BCL2: variants seen among roughly 807,000 people sequenced by gnomAD.
BCL2 encodes the protein BCL2 apoptosis regulator, also known as apoptosis regulator Bcl-2.
BCL2 carries 1 observed loss-of-function variant against 14.2 expected under a neutral mutation model. The observed-to-expected ratio is 0.07, with a 90% CI of 0.02 to 0.33. BCL2 has a LOEUF of 0.33. Ranked by LOEUF, BCL2 falls within the 10% of genes least tolerant of loss-of-function variation. The pLI, the probability that BCL2 is intolerant of heterozygous loss-of-function variation, is 0.99. For synonymous variants in BCL2, 151 were observed against 137.2 expected, an observed-to-expected ratio of 1.10 and a Z score of -0.70; for missense variants, 247 against 305.9, an observed-to-expected ratio of 0.81 and a Z score of 1.44.
chr18:63,218,195 T>C (rs985548710), intron 2 of BCL2, among the ~76,000 whole-genome samples: 4 of 152,126 alleles, frequency 2.6e-5, no homozygotes, highest in South Asian at 2.1e-4. Flanking sequence ...TCTTCAAATG[T>C]GGCTCAAGCT....
rs35457535 is a variant in BCL2 at position 63,216,400 on chromosome 18, T to TAA, written c.586-87643_586-87642dup. On this transcript the variant is annotated intron_variant, in intron 2 of 2. Transcript: ENST00000333681. ...AACATAGGAGGCCTTAAATGTTTTCTAAAAAAAAAAAAAAAAAGAATGAGT... is the reference window on the plus strand; with the variant it reads ...AACATAGGAGGCCTTAAATGTTTTCTAAAAAAAAAAAAAAAAAAAGAATGAGT... Among the ~76,000 whole-genome samples the TAA allele has an allele frequency of 2.0e-3, 266 of 134,904 alleles. 2 individuals are homozygous for TAA. The highest frequency in any genetic ancestry group is 0.012 in the Middle Eastern group (3 of 258). 88.5% of individuals were successfully genotyped at this position (134,904 alleles called of 152,430 possible).
In BCL2 at chr18:63,318,208, G is replaced by A. The variant is rs137945099; in HGVS notation, c.459C>T (p.Phe153=). The A allele has an allele frequency of 8.9e-4, 1,429 of 1,614,012 alleles. 3 individuals carry two copies. Among genetic ancestry groups the A allele is most frequent in the Non-Finnish European group, 1.1e-3 (1,349 of 1,180,024 alleles). ...NWGRIVAFFE[F]GGVMCVESVN... is the part of the protein sequence containing the mutation. Reference sequence around the variant, plus strand: ...CGCTCTCCACACACATGACCCCACCGAACTCAAAGAAGGCCACAATCCTCC... The same window carrying A: ...CGCTCTCCACACACATGACCCCACCAAACTCAAAGAAGGCCACAATCCTCC... The change falls in exon 2 of 3, where the codon TTC becomes TTT. Residue 153 remains phenylalanine, a synonymous_variant. Coordinates refer to ENST00000333681, the MANE Select transcript of BCL2 (RefSeq NM_000633.3). The surrounding 1 kb of genome is among the most constrained non-coding windows in gnomAD (Gnocchi z 7.4).
intron 2 of BCL2, among the ~76,000 whole-genome samples, chr18:63,142,038 G>C (rs1181138445): frequency 6.6e-6 from 1 of 152,220 alleles, no homozygotes; most frequent in Non-Finnish European, 1.5e-5. Context: ...TCAGGACATC[G>C]CTGCTGGGGG....
chr18:63,198,112 C>T (rs945497559), intron 2 of BCL2, among the ~76,000 whole-genome samples: 6 of 152,052 alleles, frequency 3.9e-5, no homozygotes, highest in Non-Finnish European at 7.4e-5. Flanking sequence ...TGAAGGAAGA[C>T]GGTTTTGCAT....
At position 63,169,336 on chromosome 18, in the gene BCL2, C is replaced by CTTTCTTTCTTTCTTTCTTT. The variant is rs1555697352; in HGVS notation, c.586-40578_586-40577insAAAGAAAGAAAGAAAGAAA. Among the ~76,000 whole-genome samples the CTTTCTTTCTTTCTTTCTTT allele has an allele frequency of 8.9e-4, 55 of 62,092 alleles. 3 individuals carry two copies. Among genetic ancestry groups the CTTTCTTTCTTTCTTTCTTT allele is most frequent in the Admixed American group, 1.2e-3 (7 of 5,900 alleles). The allele number at this position is 62,092 out of a possible 152,430, so 40.7% of individuals were successfully genotyped here. ...CCTTCCTTCCTTCTTTCCTTTCCTT[C>CTTTCTTTCTTTCTTTCTTT]CTTTCTTTCTTTCTTTCTTTCTTTC... On this transcript the variant is annotated intron_variant, in intron 2 of 2. Transcript: ENST00000333681.
chr18:63,287,055 T>C (rs2849381), intron 2 of BCL2, among the ~76,000 whole-genome samples: 98,482 of 151,976 alleles, frequency 0.65, 34,879 homozygotes, highest in East Asian at 0.85. Context: ...CTTGTGGCAG[T>C]TGTTCTCTTT....
At chr18:63,157,080 T>G (rs887569203) in intron 2 of BCL2, among the ~76,000 whole-genome samples, 11 of 152,232 alleles carry the variant, frequency 7.2e-5, no homozygotes, top group African/African-American at 2.7e-4. Flanking sequence ...AAGTTAATTG[T>G]GGGTCTGACA....
intron 2 of BCL2, among the ~76,000 whole-genome samples, chr18:63,235,324 G>C (rs1910796485): frequency 6.6e-6 from 1 of 152,134 alleles, no homozygotes; most frequent in Non-Finnish European, 1.5e-5. Flanking sequence ...GAAACTACCA[G>C]GCATGGTGTG....
intron 2 of BCL2, among the ~76,000 whole-genome samples, chr18:63,138,047 C>A (rs765719908): frequency 2.6e-5 from 4 of 152,216 alleles, no homozygotes; most frequent in African/African-American, 9.6e-5. Flanking sequence ...GACATGCAAC[C>A]GTCAGGTGAG....
intron 2 of BCL2, among the ~76,000 whole-genome samples, chr18:63,207,410 C>T (rs1035313101): frequency 6.6e-6 from 1 of 152,258 alleles, no homozygotes; most frequent in Non-Finnish European, 1.5e-5. Flanking sequence ...GGGAAACCAG[C>T]GACAGAGCCT....
intron 2 of BCL2, among the ~76,000 whole-genome samples, chr18:63,147,264 C>T (rs974243801): frequency 3.9e-5 from 6 of 152,216 alleles, no homozygotes; most frequent in Non-Finnish European, 7.3e-5. Context: ...CCATGGTCCT[C>T]TAAAGGTCCT....
At chr18:63,180,281 C>A (rs1438154208) in intron 2 of BCL2, among the ~76,000 whole-genome samples, 3 of 152,208 alleles carry the variant, frequency 2.0e-5, no homozygotes, top group African/African-American at 7.2e-5. Flanking sequence ...AGCTCCCTAG[C>A]CAAATGGGGA....
intron 2 of BCL2, among the ~76,000 whole-genome samples, chr18:63,216,007 G>C (rs1382329370): frequency 6.6e-6 from 1 of 152,124 alleles, no homozygotes. Context: ...GGGAGATGAG[G>C]TTGTAAAGTT....
intron 2 of BCL2, among the ~76,000 whole-genome samples, chr18:63,251,480 A>G (rs1210269023): frequency 1.3e-5 from 2 of 151,350 alleles, no homozygotes; most frequent in Non-Finnish European, 2.9e-5. Flanking sequence ...CGTCTCTACT[A>G]AAAAATACAA....
chr18:63,129,901 G>A (rs1320285168), intron 2 of BCL2, among the ~76,000 whole-genome samples: 3 of 152,142 alleles, frequency 2.0e-5, no homozygotes, highest in African/African-American at 7.2e-5. Context: ...TAGACTGGAC[G>A]ACCACAACTC....
At chr18:63,145,761 A>G (rs1914495819) in intron 2 of BCL2, among the ~76,000 whole-genome samples, 1 of 152,240 alleles carries the variant, frequency 6.6e-6, no homozygotes, top group Non-Finnish European at 1.5e-5. Context: ...GAATGTGTTC[A>G]GTGCAACATC....
At chr18:63,132,171 G>A (rs996073401) in intron 2 of BCL2, among the ~76,000 whole-genome samples, 1 of 152,180 alleles carries the variant, frequency 6.6e-6, no homozygotes, top group Non-Finnish European at 1.5e-5. Context: ...CCCTGGCTTT[G>A]ATATTTTATT....
intron 2 of BCL2, among the ~76,000 whole-genome samples, chr18:63,206,502 G>A (rs1239719102): frequency 6.6e-6 from 1 of 152,106 alleles, no homozygotes; most frequent in Admixed American, 6.5e-5. Flanking sequence ...TGTCTTCTGC[G>A]AGGCTGAATT....
intron 2 of BCL2, among the ~76,000 whole-genome samples, chr18:63,261,560 T>C (rs908366124): frequency 3.3e-5 from 5 of 152,130 alleles, no homozygotes; most frequent in Admixed American, 1.3e-4. Flanking sequence ...CGTGGAGTTG[T>C]TGAATGAATA....
Sources: gnomAD v4.1 joint callset for allele counts (sites outside exome capture counted in the v4.1 genomes callset) on GRCh38, gnomAD v4.1.1 for gene constraint, Gnocchi (gnomAD v3.1) non-coding constraint, MANE v1.5 for transcripts, NCBI Gene and HGNC (gene_info 2026-07-23, HGNC 2026-07-21) for gene names.